The following LRRC4C variants were observed in gnomAD, a reference collection of about 807,000 sequenced individuals.
LRRC4C encodes the protein leucine rich repeat containing 4C, also known as leucine-rich repeat-containing protein 4C.
LRRC4C carries 5 observed loss-of-function variants against 33.6 expected under a neutral mutation model. The observed-to-expected ratio is 0.15, with a 90% CI of 0.08 to 0.31. LRRC4C has a LOEUF of 0.31. Among genes scored for constraint, LRRC4C ranks in the 10% least tolerant of loss-of-function variants. The pLI is 1.00. For synonymous variants in LRRC4C, 329 were observed against 302.0 expected (o/e 1.09, Z -0.93); for missense variants, 560 against 796.7 (o/e 0.70, Z 3.58).
In LRRC4C at chr11:40,504,349, G is replaced by A. The variant is rs1192679379; in HGVS notation, c.-270+143793C>T. ...GCCACTGGAGGGTGAAGTATACTATGGGGAGTAAGAGGGATGCCATGGAGG... is the reference window on the plus strand; with the variant it reads ...GCCACTGGAGGGTGAAGTATACTATAGGGAGTAAGAGGGATGCCATGGAGG... On this transcript the variant is annotated intron_variant, in intron 3 of 6. Transcript: ENST00000528697. 1.9e-4 allele frequency among the ~76,000 whole-genome samples: 29 copies of A among 152,096 alleles called. 1 individual carries two copies. The highest frequency in any genetic ancestry group is 1.9e-3 in the Admixed American group (29 of 15,246).
chr11:40,488,231 G>C (rs1170954741), intron 3 of LRRC4C, among the ~76,000 whole-genome samples: 1 of 151,998 alleles, frequency 6.6e-6, no homozygotes, highest in South Asian at 2.1e-4. Flanking sequence ...AATTCTTCTG[G>C]CTTAACTCAA....
At chr11:41,336,590 T>C (rs1327222838) in intron 1 of LRRC4C, among the ~76,000 whole-genome samples, 1 of 152,212 alleles carries the variant, frequency 6.6e-6, no homozygotes, top group Non-Finnish European at 1.5e-5. Flanking sequence ...TATCCACTTT[T>C]CATTCACCCT....
At chr11:40,416,153 T>C (rs958760760) in intron 3 of LRRC4C, among the ~76,000 whole-genome samples, 4 of 152,302 alleles carry the variant, frequency 2.6e-5, no homozygotes, top group African/African-American at 7.2e-5. Flanking sequence ...TTCAATACCT[T>C]CAACAATGCT....
At chr11:41,366,998 A>G (rs1212214019) in intron 1 of LRRC4C, among the ~76,000 whole-genome samples, 1 of 152,214 alleles carries the variant, frequency 6.6e-6, no homozygotes. Flanking sequence ...ATTTTACTTG[A>G]TAATTTGCAA....
chr11:41,262,611 A>G (rs974684811), intron 1 of LRRC4C, among the ~76,000 whole-genome samples: 7 of 152,084 alleles, frequency 4.6e-5, no homozygotes, highest in Non-Finnish European at 8.8e-5. Flanking sequence ...ATCCAAGAAA[A>G]CATCTACTCT....
intron 2 of LRRC4C, among the ~76,000 whole-genome samples, chr11:40,919,747 A>T (rs1048930448): frequency 6.6e-6 from 1 of 152,188 alleles, no homozygotes; most frequent in South Asian, 2.1e-4. Flanking sequence ...ATAAATGCAA[A>T]TCAGTAATAA....
chr11:41,057,431 A>C (rs939992743), intron 1 of LRRC4C, among the ~76,000 whole-genome samples: 1 of 152,230 alleles, frequency 6.6e-6, no homozygotes, highest in South Asian at 2.1e-4. Context: ...GAACAGCAGC[A>C]GGAAGCAGAC....
intron 2 of LRRC4C, among the ~76,000 whole-genome samples, chr11:40,751,781 G>C (rs1565014657): frequency 6.6e-6 from 1 of 152,040 alleles, no homozygotes; most frequent in East Asian, 1.9e-4. Flanking sequence ...AACCAAAAAG[G>C]AGCCTAAATA....
intron 1 of LRRC4C, among the ~76,000 whole-genome samples, chr11:41,203,855 G>A (rs942990006): frequency 1.3e-5 from 2 of 152,182 alleles, no homozygotes; most frequent in East Asian, 3.9e-4. Flanking sequence ...AGCCCAAAAT[G>A]TCTGCCCTTT....
At chr11:40,644,185 T>C (rs1662454109) in intron 3 of LRRC4C, among the ~76,000 whole-genome samples, 1 of 151,886 alleles carries the variant, frequency 6.6e-6, no homozygotes, top group African/African-American at 2.4e-5. Context: ...AACTTTGGAG[T>C]CTAGAACTAG....
intron 1 of LRRC4C, among the ~76,000 whole-genome samples, chr11:41,448,117 C>T (rs901748087): frequency 2.0e-4 from 7 of 34,884 alleles, no homozygotes; most frequent in African/African-American, 4.9e-4. Flanking sequence ...CTGCTGCACA[C>T]GTCTGTTTTT....
chr11:41,037,928 G>T (rs1195778337), intron 1 of LRRC4C, among the ~76,000 whole-genome samples: 3 of 152,066 alleles, frequency 2.0e-5, no homozygotes, highest in African/African-American at 7.2e-5. Flanking sequence ...CTTTTTGAGT[G>T]GTTTTACATT....
chr11:40,336,868 TCGGGAGGCTGAGG>T (rs1946633783), intron 3 of LRRC4C, among the ~76,000 whole-genome samples: 1 of 146,320 alleles, frequency 6.8e-6, no homozygotes, highest in Non-Finnish European at 1.5e-5. Context: ...TCCCAGCTAC[TCGGGAGGCTGAGG>T]CAGGAGAATG....
intron 2 of LRRC4C, 29 bp downstream of exon 2, chr11:40,933,606 T>C (rs1272336730): frequency 6.6e-6 from 1 of 151,854 alleles, no homozygotes; most frequent in Non-Finnish European, 1.5e-5. Context: ...CTTTCTACTT[T>C]TGTTTAAAGC....
chr11:41,112,065 A>G (rs1330336929), intron 1 of LRRC4C, among the ~76,000 whole-genome samples: 1 of 152,032 alleles, frequency 6.6e-6, no homozygotes, highest in Non-Finnish European at 1.5e-5. Flanking sequence ...GACCCTTCAA[A>G]ATGTAGCAGA....
intron 1 of LRRC4C, among the ~76,000 whole-genome samples, chr11:41,296,619 G>A (rs1050789438): frequency 1.1e-4 from 17 of 152,084 alleles, no homozygotes; most frequent in Non-Finnish European, 2.1e-4. Context: ...CCTATGCTGT[G>A]CTTTTTTGAG....
At chr11:40,454,017 G>T (rs761940347) in intron 3 of LRRC4C, among the ~76,000 whole-genome samples, 45 of 152,074 alleles carry the variant, frequency 3.0e-4, no homozygotes, top group Non-Finnish European at 6.2e-4. Context: ...GTTGAGTAAG[G>T]TTATCTGTCA....
At chr11:41,400,224 A>C (rs10501262) in intron 1 of LRRC4C, among the ~76,000 whole-genome samples, 38,460 of 151,844 alleles carry the variant, frequency 0.25, 5,857 homozygotes, top group Admixed American at 0.36. Context: ...TGTGCATAGG[A>C]ATAACTCCTG....
At chr11:40,606,162 C>G (rs528819509) in intron 3 of LRRC4C, among the ~76,000 whole-genome samples, 2 of 152,110 alleles carry the variant, frequency 1.3e-5, no homozygotes, top group African/African-American at 2.4e-5. Context: ...TTCTAACAGG[C>G]CTTGAAGCAC....
Sources: allele counts gnomAD v4.1 joint callset (sites outside exome capture counted in the v4.1 genomes callset), GRCh38; gene constraint gnomAD v4.1.1; transcripts MANE v1.5; gene names NCBI Gene and HGNC (gene_info 2026-07-23, HGNC 2026-07-21).